The following CAMK1D variants were observed in gnomAD, a reference collection of about 807,000 sequenced individuals.
The protein encoded by CAMK1D is calcium/calmodulin-dependent protein kinase type 1D.
A neutral mutation model predicts 47.7 loss-of-function variants in CAMK1D; 9 were observed. That is an observed-to-expected ratio of 0.19 (90% CI 0.11 to 0.33). The LOEUF (loss-of-function observed/expected upper bound fraction) is 0.33, where lower values mean the gene tolerates loss of function less well. Among genes scored for constraint, CAMK1D ranks in the 10% least tolerant of loss-of-function variants. CAMK1D has a pLI of 1.00. For synonymous variants in CAMK1D, 184 were observed against 184.9 expected, an observed-to-expected ratio of 0.99 and a Z score of 0.04; for missense variants, 291 against 488.7, an observed-to-expected ratio of 0.60 and a Z score of 3.81.
chr10:12,551,859 T>G (rs1190362081), intron 1 of CAMK1D, among the ~76,000 whole-genome samples: 1 of 152,172 alleles, frequency 6.6e-6, no homozygotes, highest in Non-Finnish European at 1.5e-5. Context: ...GCCAAAAAGG[T>G]TGGGGACCAT....
intron 3 of CAMK1D, among the ~76,000 whole-genome samples, chr10:12,710,537 G>T (rs115290158): frequency 1.8e-4 from 28 of 152,318 alleles, no homozygotes; most frequent in African/African-American, 6.7e-4. Context: ...TAGCCCTCTT[G>T]ACAGTGGCTT....
At chr10:12,700,004 A>T (rs551360617) in intron 3 of CAMK1D, among the ~76,000 whole-genome samples, 4 of 152,280 alleles carry the variant, frequency 2.6e-5, no homozygotes, top group African/African-American at 9.6e-5. Context: ...GGTGCAAAAA[A>T]AAAATGGAAA....
intron 2 of CAMK1D, among the ~76,000 whole-genome samples, chr10:12,557,474 C>T (rs1272866457): frequency 6.0e-5 from 9 of 149,226 alleles, no homozygotes; most frequent in Admixed American, 4.7e-4. Context: ...ATGGTGTGAA[C>T]CCGGGAGGCA....
At chr10:12,478,470 T>A (rs756001180) in intron 1 of CAMK1D, among the ~76,000 whole-genome samples, 2 of 152,136 alleles carry the variant, frequency 1.3e-5, no homozygotes, top group Non-Finnish European at 2.9e-5. Context: ...CTGTCTAATT[T>A]TTTTTTTTCT....
intron 3 of CAMK1D, among the ~76,000 whole-genome samples, chr10:12,743,055 A>G (rs779231146): frequency 6.6e-6 from 1 of 152,164 alleles, no homozygotes; most frequent in East Asian, 1.9e-4. Context: ...CAAGAAACCA[A>G]GACAAGGCTG....
rs1838085819 is a variant in CAMK1D at position 12,793,906 on chromosome 10, C to T, written c.641+2673C>T. ...CCAGCATGGCTAGATAGTATCAAGA[C>T]AATACATCAGAAAGCGACATGCAAG... On this transcript the variant is annotated intron_variant, in intron 6 of 10. Transcript: ENST00000619168. 3.3e-5 allele frequency among the ~76,000 whole-genome samples: 5 copies of T among 152,332 alleles called. No individual in the cohort carries two copies. In the South Asian group the frequency reaches 1.0e-3, roughly 32 times the overall value.
chr10:12,533,911 G>A (rs755662753), intron 1 of CAMK1D, among the ~76,000 whole-genome samples: 1 of 152,152 alleles, frequency 6.6e-6, no homozygotes, highest in Non-Finnish European at 1.5e-5. Flanking sequence ...GTCACAAGCT[G>A]ATTGCTGGAG....
chr10:12,468,406 T>C (rs1241444902), intron 1 of CAMK1D, among the ~76,000 whole-genome samples: 1 of 152,128 alleles, frequency 6.6e-6, no homozygotes, highest in Non-Finnish European at 1.5e-5. Context: ...TGAAGTATGA[T>C]TGGAGAAAAT....
chr10:12,507,622 A>G (rs569751772), intron 1 of CAMK1D, among the ~76,000 whole-genome samples: 1 of 152,196 alleles, frequency 6.6e-6, no homozygotes, highest in South Asian at 2.1e-4. Flanking sequence ...CCCGGAAGAA[A>G]GGATGCTTGT....
Position 12,496,839 on chromosome 10 carries a change from G to C in CAMK1D, c.93-56386G>C, listed in dbSNP as rs1834553694. ...TGCACCTGTCAAACCCATCACCTAG[G>C]TATGAAGCCTGGCATGCATTAGCTA... On this transcript the variant is annotated intron_variant, in intron 1 of 10. Coordinates refer to ENST00000619168, the MANE Select transcript of CAMK1D (RefSeq NM_153498.4). Among the ~76,000 whole-genome samples, 3 of 152,218 alleles carry C rather than the reference G, an allele frequency of 2.0e-5. No homozygotes were observed. In the South Asian group the frequency reaches 6.2e-4, roughly 32 times the overall value.
intron 2 of CAMK1D, among the ~76,000 whole-genome samples, chr10:12,562,395 A>T (rs1836972817): frequency 6.6e-6 from 1 of 152,186 alleles, no homozygotes; most frequent in Non-Finnish European, 1.5e-5. Flanking sequence ...CTGTTGGAGG[A>T]CACGCTCAAA....
chr10:12,714,061 A>G (rs1057471722), intron 3 of CAMK1D, among the ~76,000 whole-genome samples: 1 of 152,182 alleles, frequency 6.6e-6, no homozygotes, highest in Non-Finnish European at 1.5e-5. Flanking sequence ...CCTCACCTCC[A>G]CTGTAAGGAC....
intron 5 of CAMK1D, among the ~76,000 whole-genome samples, chr10:12,782,160 A>G (rs958284611): frequency 2.0e-5 from 3 of 152,196 alleles, no homozygotes; most frequent in Non-Finnish European, 4.4e-5. Context: ...GACTTCAGGC[A>G]GAGAACGCTC....
intron 1 of CAMK1D, among the ~76,000 whole-genome samples, chr10:12,412,945 C>G (rs574913150): frequency 6.6e-6 from 1 of 152,286 alleles, no homozygotes; most frequent in South Asian, 2.1e-4. Flanking sequence ...TGTGGTGGAA[C>G]TAAGATTCTG....
chr10:12,723,930 C>T (rs527899237), intron 3 of CAMK1D, among the ~76,000 whole-genome samples: 162 of 152,184 alleles, frequency 1.1e-3, no homozygotes, highest in African/African-American at 3.7e-3. Context: ...CCACAACAGG[C>T]CCCGGTGTGT....
intron 1 of CAMK1D, among the ~76,000 whole-genome samples, chr10:12,506,503 G>T (rs1047331793): frequency 6.6e-6 from 1 of 151,990 alleles, no homozygotes; most frequent in African/African-American, 2.4e-5. Flanking sequence ...GAAGATCTGG[G>T]CTCTCTCTTT....
At chr10:12,640,006 A>C (rs1369406501) in intron 2 of CAMK1D, among the ~76,000 whole-genome samples, 1 of 152,224 alleles carries the variant, frequency 6.6e-6, no homozygotes, top group East Asian at 1.9e-4. Flanking sequence ...TTTAATGAGA[A>C]GGAAAAAACT....
chr10:12,362,758 C>A (rs973510578), intron 1 of CAMK1D, among the ~76,000 whole-genome samples: 1 of 152,180 alleles, frequency 6.6e-6, no homozygotes, highest in Non-Finnish European at 1.5e-5. Flanking sequence ...GATCTGCCCG[C>A]CTCGGCCTCC....
intron 2 of CAMK1D, among the ~76,000 whole-genome samples, chr10:12,607,339 G>C (rs950247092): frequency 2.0e-5 from 3 of 152,188 alleles, no homozygotes; most frequent in African/African-American, 4.8e-5. Flanking sequence ...AGGGTTTGCT[G>C]TATGAGAACC....
Sources: gnomAD v4.1 joint callset for allele counts (sites outside exome capture counted in the v4.1 genomes callset) on GRCh38, gnomAD v4.1.1 for gene constraint, MANE v1.5 for transcripts, NCBI Gene and HGNC (gene_info 2026-07-23, HGNC 2026-07-21) for gene names.